GABRB3: variants seen among roughly 807,000 people sequenced by gnomAD.
GABRB3 encodes the protein gamma-aminobutyric acid type A receptor subunit beta3, also known as gamma-aminobutyric acid receptor subunit beta-3.
GABRB3 carries 14 observed loss-of-function variants against 52.1 expected under a neutral mutation model. That is an observed-to-expected ratio of 0.27 (90% CI 0.18 to 0.42). The LOEUF is 0.42. Ranked by LOEUF, GABRB3 falls within the 10% of genes least tolerant of loss-of-function variation. The pLI is 1.00. For missense variants in GABRB3, 307 were observed against 609.1 expected (o/e 0.50, Z 5.22); for synonymous variants, 260 against 232.3 (o/e 1.12, Z -1.08).
intron 3 of GABRB3, among the ~76,000 whole-genome samples, chr15:26,710,666 C>T (rs1383406932): frequency 6.6e-6 from 1 of 152,182 alleles, no homozygotes; most frequent in African/African-American, 2.4e-5. Context: ...TATATTCCCA[C>T]CAGCAATGTA....
chr15:26,695,263 A>C (rs1289614984), intron 3 of GABRB3, among the ~76,000 whole-genome samples: 1 of 152,184 alleles, frequency 6.6e-6, no homozygotes, highest in Admixed American at 6.5e-5. Context: ...GATCTTCAAG[A>C]AAGTCAGAAG....
In GABRB3 at chr15:26,544,337, T is replaced by C. The variant is rs573164372; in HGVS notation, c.*3456A>G. On this transcript the variant is annotated 3_prime_UTR_variant, in exon 9 of 9. Transcript: ENST00000311550. ...CCCTTAAAACCAGCCCCAGACTCGT[T>C]TGGCATCACCTTTGAGATGATCTCC... is the stretch of plus-strand genomic sequence containing the variant. 4 of 152,746 alleles carry C rather than the reference T, an allele frequency of 2.6e-5. No individual in the cohort carries two copies. Among genetic ancestry groups the C allele is most frequent in the South Asian group, 4.1e-4 (2 of 4,830 alleles). 9.5% of individuals were successfully genotyped at this position (152,746 alleles called of 1,614,324 possible).
At chr15:26,656,294 G>A (rs1325203284) in intron 3 of GABRB3, among the ~76,000 whole-genome samples, 1 of 152,150 alleles carries the variant, frequency 6.6e-6, no homozygotes, top group African/African-American at 2.4e-5. Flanking sequence ...GTGACTCAGT[G>A]CAAGGCAAAC....
At chr15:26,614,973 T>C (rs1445269830) in intron 4 of GABRB3, 1 of 146,192 alleles carries the variant, frequency 6.8e-6, no homozygotes, top group Non-Finnish European at 1.5e-5. Context: ...GTGAATACTA[T>C]TTTGTGAACC....
Position 26,544,942 on chromosome 15 carries a change from A to C in GABRB3, c.*2851T>G, listed in dbSNP as rs1595425425. On this transcript the variant is annotated 3_prime_UTR_variant, in exon 9 of 9. Coordinates refer to ENST00000311550, the MANE Select transcript of GABRB3 (RefSeq NM_000814.6). Reference sequence around the variant, plus strand: ...GGTTCAGAATTCCTCAACGCGACTCAGTCACTGGCTCAAATAACTACTGTG... The same window carrying C: ...GGTTCAGAATTCCTCAACGCGACTCCGTCACTGGCTCAAATAACTACTGTG... 1 of 152,654 alleles carries C rather than the reference A, an allele frequency of 6.6e-6. No homozygotes were observed. Among genetic ancestry groups the C allele is most frequent in the African/African-American group, 2.4e-5 (1 of 41,470 alleles). The allele number at this position is 152,654 out of a possible 1,614,324, so 9.5% of individuals were successfully genotyped here. A position where few individuals can be genotyped will look rare whatever the true frequency, so the allele number is the denominator to read the frequency against.
chr15:26,699,197 G>A (rs1273626497), intron 3 of GABRB3, among the ~76,000 whole-genome samples: 1 of 152,108 alleles, frequency 6.6e-6, no homozygotes, highest in Non-Finnish European at 1.5e-5. Context: ...AGCATTCATA[G>A]GGCATGAGAT....
At position 26,589,474 on chromosome 15, in the gene GABRB3, T is replaced by C. The variant is rs537244531; in HGVS notation, c.462-6060A>G. On this transcript the variant is annotated intron_variant, in intron 4 of 8. Coordinates refer to ENST00000311550, the MANE Select transcript of GABRB3 (RefSeq NM_000814.6). ...TTGTATGAATAGTTTTGATTCACTG[T>C]AAACACTGGAGAGAACAGATTAAAA... is the stretch of plus-strand genomic sequence containing the variant. 2.0e-5 allele frequency among the ~76,000 whole-genome samples: 3 copies of C among 152,322 alleles called. No individual in the cohort carries two copies. In the East Asian group the frequency reaches 5.8e-4, roughly 29 times the overall value.
At chr15:26,594,248 T>C (rs1891313881) in intron 4 of GABRB3, among the ~76,000 whole-genome samples, 1 of 151,794 alleles carries the variant, frequency 6.6e-6, no homozygotes, top group African/African-American at 2.4e-5. Flanking sequence ...CTAAGCCATG[T>C]TTTCCTCTTT....
intron 3 of GABRB3, among the ~76,000 whole-genome samples, chr15:26,648,878 T>A (rs1228698742): frequency 6.6e-6 from 1 of 151,966 alleles, no homozygotes; most frequent in Non-Finnish European, 1.5e-5. Context: ...GCCTTCAGAA[T>A]GTGGATGACT....
intron 3 of GABRB3, among the ~76,000 whole-genome samples, chr15:26,678,673 G>C (rs1025759065): frequency 6.6e-6 from 1 of 152,062 alleles, no homozygotes; most frequent in Non-Finnish European, 1.5e-5. Flanking sequence ...AAGGAAATAT[G>C]GATGGATCGA....
chr15:26,621,554 A>C lies in GABRB3; in HGVS notation c.241-20T>G. The C allele has an allele frequency of 6.3e-7, 1 of 1,596,550 alleles. No individual in the cohort carries two copies. Among genetic ancestry groups the C allele is most frequent in the Non-Finnish European group, 8.6e-7 (1 of 1,165,012 alleles). On this transcript the variant is annotated intron_variant, in intron 3 of 8. Transcript: ENST00000311550. This position sits in a 1 kb window ranked among gnomAD's most constrained non-coding sequence, Gnocchi z 4.1. Reference sequence around the variant, plus strand: ...ATAATCCTGGGGGGAAAAGAAAAGAAAGAAAGTTAGTTTGTACCCAGCCAC... The same window carrying C: ...ATAATCCTGGGGGGAAAAGAAAAGACAGAAAGTTAGTTTGTACCCAGCCAC...
At chr15:26,764,180 ATATATATAT>A (rs1195622454) in intron 3 of GABRB3, among the ~76,000 whole-genome samples, 1 of 4,454 alleles carries the variant, frequency 2.2e-4, no homozygotes, top group Non-Finnish European at 3.9e-4. Context: ...AAAAAAAAAA[ATATATATAT>A]ATATATATAT....
At chr15:26,579,786 T>A (rs1890721854) in intron 6 of GABRB3, among the ~76,000 whole-genome samples, 1 of 152,176 alleles carries the variant, frequency 6.6e-6, no homozygotes, top group Admixed American at 6.5e-5. Context: ...GATATAAAGA[T>A]GACAAGGAAA....
intron 3 of GABRB3, chr15:26,624,438 C>T: frequency 2.0e-6 from 2 of 985,504 alleles, no homozygotes; most frequent in South Asian, 9.4e-5. Flanking sequence ...TCCGGATGGG[C>T]TCGCACATGG....
chr15:26,650,960 A>G (rs1040339286), intron 3 of GABRB3, among the ~76,000 whole-genome samples: 3 of 152,110 alleles, frequency 2.0e-5, no homozygotes, highest in African/African-American at 7.2e-5. Flanking sequence ...TAAGAAAGTT[A>G]TCCGGCTTCA....
intron 3 of GABRB3, among the ~76,000 whole-genome samples, chr15:26,645,996 C>T (rs55681659): frequency 0.25 from 37,721 of 151,854 alleles, 5,954 homozygotes; most frequent in East Asian, 0.82. Flanking sequence ...TATGAAAAAT[C>T]ATTTTCCACA....
intron 3 of GABRB3, among the ~76,000 whole-genome samples, chr15:26,652,144 A>C (rs938732729): frequency 1.3e-5 from 2 of 152,216 alleles, no homozygotes; most frequent in Non-Finnish European, 2.9e-5. Context: ...CATGGACTTC[A>C]AGTCTTTAGA....
chr15:26,629,284 A>AG (rs1246943987), intron 3 of GABRB3: 3 of 975,246 alleles, frequency 3.1e-6, no homozygotes, highest in African/African-American at 3.3e-5. Flanking sequence ...CTGTGGCTCG[A>AG]GGGGCGTGGC....
intron 7 of GABRB3, among the ~76,000 whole-genome samples, chr15:26,564,753 T>C (rs1890103705): frequency 6.6e-6 from 1 of 152,362 alleles, no homozygotes; most frequent in Non-Finnish European, 1.5e-5. Flanking sequence ...TGGAGCTCAG[T>C]AGCATCTTAA....
Sources: gnomAD v4.1 joint callset for allele counts (sites outside exome capture counted in the v4.1 genomes callset) on GRCh38, gnomAD v4.1.1 for gene constraint, Gnocchi (gnomAD v3.1) non-coding constraint, MANE v1.5 for transcripts, NCBI Gene and HGNC (gene_info 2026-07-23, HGNC 2026-07-21) for gene names.